The following BCOR variants were observed in gnomAD, a reference collection of about 807,000 sequenced individuals.
BCOR encodes the protein BCL6 corepressor.
A neutral mutation model predicts 86.7 loss-of-function variants in BCOR; 10 were observed. The ratio of observed to expected loss-of-function variants is 0.12; its 90% CI spans 0.07 to 0.20. The LOEUF (loss-of-function observed/expected upper bound fraction) is 0.20, where lower values mean the gene tolerates loss of function less well. Among genes scored for constraint, BCOR ranks in the 10% least tolerant of loss-of-function variants. BCOR has a pLI of 1.00. For missense variants in BCOR, 1,259 were observed against 1,452.1 expected, an observed-to-expected ratio of 0.87 and a Z score of 2.16; for synonymous variants, 611 against 609.0, an observed-to-expected ratio of 1.00 and a Z score of -0.05.
chrX:40,152,397 T>G (rs761040317), intron 1 of BCOR, among the ~76,000 whole-genome samples: 2 of 111,769 alleles, frequency 1.8e-5, no homozygotes, highest in Admixed American at 1.9e-4. Context: ...CAGCGCGCCC[T>G]GGCCCTGGCG....
chrX:40,106,562 C>T (rs1390851545), intron 1 of BCOR, among the ~76,000 whole-genome samples: 1 of 111,088 alleles, frequency 9.0e-6, no homozygotes, highest in Non-Finnish European at 1.9e-5. Context: ...CCCGCCCTCC[C>T]CGCGCTCCCG....
In BCOR at chrX:40,057,416, G is replaced by GCCTGAGAA; in HGVS notation, c.4429-103_4429-96dup. On this transcript the variant is annotated intron_variant, in intron 10 of 14. Transcript: ENST00000378444. ...AGCTTTCAAAGACATACACCCTCAG[G>GCCTGAGAA]CCTGAGAACCTGAGAACCTCTCGGG... is the stretch of plus-strand genomic sequence containing the variant. 8 of 955,688 alleles carry GCCTGAGAA rather than the reference G, an allele frequency of 8.4e-6. No homozygotes were observed. In the South Asian group the frequency reaches 1.0e-4, roughly 12 times the overall value. 78.8% of individuals were successfully genotyped at this position (955,688 alleles called of 1,213,427 possible).
intron 1 of BCOR, among the ~76,000 whole-genome samples, chrX:40,117,041 T>C (rs1272503271): frequency 2.7e-5 from 3 of 112,375 alleles, no homozygotes; most frequent in East Asian, 2.8e-4. Flanking sequence ...GGAGAGAAGA[T>C]CAGTTTCCAA....
In BCOR at chrX:40,064,597, C is replaced by T. The variant is rs760373288; in HGVS notation, c.3241G>A (p.Glu1081Lys). 2.5e-6 allele frequency: 3 copies of T among 1,209,308 alleles called. No homozygotes were observed. Among genetic ancestry groups the T allele is most frequent in the Non-Finnish European group, 3.4e-6 (3 of 894,646 alleles). ...CGGTGCTTGTTTCCAACACTATACT[C>T]GCCTGGGGGAGGGGAGACAAGAGGG... ...IAEQNESERC[E>K]YSVGNKHRDP... The change falls in exon 7 of 15, where the codon GAG (glutamate) becomes AAG (lysine). Residue 1081 changes from glutamate (E) to lysine (K), a missense_variant and splice_region_variant. By Grantham distance (56) the Glu-to-Lys change is moderately conservative. Around this residue, in one of 7 missense-constraint regions of BCOR, gnomAD observed 56 missense variants for 106.6 expected, o/e 0.53. Transcript: ENST00000378444.
intron 1 of BCOR, among the ~76,000 whole-genome samples, chrX:40,079,706 G>A (rs771405885): frequency 2.7e-5 from 3 of 111,375 alleles, no homozygotes; most frequent in East Asian, 5.7e-4. Flanking sequence ...TAGCCACAGC[G>A]CCCCCAAAGG....
upstream of BCOR, among the ~76,000 whole-genome samples, chrX:40,101,081 A>AG (rs1421299729): frequency 1.9e-5 from 2 of 107,736 alleles, no homozygotes; most frequent in Non-Finnish European, 3.8e-5. Context: ...TATAAGGCAG[A>AG]GGGGGGGAGG....
chrX:40,106,060 A>G (rs1487473086), intron 1 of BCOR, among the ~76,000 whole-genome samples: 1 of 111,821 alleles, frequency 8.9e-6, no homozygotes, highest in East Asian at 2.9e-4. Context: ...GTAGGGACGT[A>G]GGGTCGGCTG....
chrX:40,062,286 T>C lies in BCOR; in HGVS notation c.4281A>G (p.Pro1427=). The change falls in exon 10 of 15, where the codon CCA becomes CCG. Residue 1427 remains proline, a synonymous_variant. Transcript: ENST00000378444. Reference sequence around the variant, plus strand: ...ATGGCAGCTGTGTGGACTGGGAGGCTGGTAGCAGTTGCTGCAAGCGGTCGA... The same window carrying C: ...ATGGCAGCTGTGTGGACTGGGAGGCCGGTAGCAGTTGCTGCAAGCGGTCGA... ...KPFDRLQQLL[P]ASQSTQLPCS... 1 of 1,210,614 alleles carries C rather than the reference T, an allele frequency of 8.3e-7. No individual in the cohort carries two copies. Among genetic ancestry groups the C allele is most frequent in the South Asian group, 1.8e-5 (1 of 56,595 alleles).
intron 1 of BCOR, among the ~76,000 whole-genome samples, chrX:40,104,931 A>C (rs1471541366): frequency 7.4e-5 from 8 of 108,235 alleles, no homozygotes; most frequent in African/African-American, 2.7e-4. Flanking sequence ...TCAGGCGGGG[A>C]GAGGGTGCGG....
At position 40,051,940 on chromosome X, in the gene BCOR, AG is replaced by A. The variant is rs1413599469; in HGVS notation, c.*168del. Reference sequence around the variant, plus strand: ...ATAAAAACTGACTTAAAAGTTTAAAAGGAAAAAAACATGTTTCTAAGTCCTT... The same window carrying A: ...ATAAAAACTGACTTAAAAGTTTAAAAGAAAAAAACATGTTTCTAAGTCCTT... On this transcript the variant is annotated 3_prime_UTR_variant, in exon 15 of 15. Coordinates refer to ENST00000378444, the MANE Select transcript of BCOR (RefSeq NM_001123385.2). 1.7e-4 allele frequency: 70 copies of A among 412,755 alleles called. No homozygotes were observed. Among genetic ancestry groups the A allele is most frequent in the Non-Finnish European group, 4.2e-5 (11 of 261,425 alleles). 34.0% of individuals were successfully genotyped at this position (412,755 alleles called of 1,213,427 possible).
chrX:40,152,526 C>T (rs907827515), intron 1 of BCOR, among the ~76,000 whole-genome samples: 16 of 113,211 alleles, frequency 1.4e-4, no homozygotes, highest in Admixed American at 1.4e-3. Context: ...GCAGCACAGG[C>T]ACACTGTAAA....
In BCOR at chrX:40,116,412, G is replaced by T. The variant is rs193166976; in HGVS notation, c.-40-38443C>A. Among the ~76,000 whole-genome samples, 359 of 110,189 alleles carry T rather than the reference G, an allele frequency of 3.3e-3. 1 individual carries two copies. The highest frequency in any genetic ancestry group is 0.011 in the African/African-American group (343 of 30,231). On this transcript the variant is annotated intron_variant, in intron 1 of 14. Transcript: ENST00000342274. The stretch of plus-strand genomic sequence containing the variant: ...CTCGGGAGGCTGAGGCAGCAGAATG[G>T]TGTGAAACCAGGAGGCAGAGCTTGC...
In BCOR at chrX:40,073,883, G is replaced by C. The variant is rs1935626585; in HGVS notation, c.1463C>G (p.Ser488Cys). The change falls in exon 4 of 15, where the codon TCT (serine) becomes TGT (cysteine). Residue 488 changes from serine to cysteine, a missense_variant. Physicochemically the swap from Ser to Cys is moderately radical, Grantham distance 112. Coordinates refer to ENST00000378444, the MANE Select transcript of BCOR (RefSeq NM_001123385.2). The stretch of plus-strand genomic sequence containing the variant: ...GATAGCACAACCATTTCCTGGAGGA[G>C]ATAGTGTTTCTTTCGGAATCTCACT... Reference protein sequence around the residue: ...SGSEIPKETLSPPGNGCAIYR... With the variant: ...SGSEIPKETLCPPGNGCAIYR... 8.2e-7 allele frequency: 1 copy of C among 1,212,296 alleles called. No individual in the cohort carries two copies. Among genetic ancestry groups the C allele is most frequent in the Non-Finnish European group, 1.1e-6 (1 of 895,539 alleles).
At chrX:40,108,292 G>A (rs1055047366) in intron 1 of BCOR, among the ~76,000 whole-genome samples, 1 of 112,954 alleles carries the variant, frequency 8.9e-6, no homozygotes, top group Non-Finnish European at 1.9e-5. Context: ...CCTTCCCGTC[G>A]GCAGCGTGGC....
At chrX:40,131,924 T>A (rs1937607040) in intron 1 of BCOR, among the ~76,000 whole-genome samples, 1 of 111,593 alleles carries the variant, frequency 9.0e-6, no homozygotes, top group East Asian at 2.8e-4. Flanking sequence ...CCAAGAGGTG[T>A]GGTCTCTGTC....
chrX:40,115,820 G>T (rs774810932), intron 1 of BCOR, among the ~76,000 whole-genome samples: 1 of 110,292 alleles, frequency 9.1e-6, no homozygotes, highest in Admixed American at 9.7e-5. Context: ...TCAAGGGAAG[G>T]ACTTCCTCCC....
intron 1 of BCOR, among the ~76,000 whole-genome samples, chrX:40,172,310 G>C (rs1413119409): frequency 8.9e-6 from 1 of 112,454 alleles, no homozygotes; most frequent in Non-Finnish European, 1.9e-5. Context: ...AACACGGAGC[G>C]AACAGGTCCT....
upstream of BCOR, among the ~76,000 whole-genome samples, chrX:40,101,670 C>T (rs376251236): frequency 2.7e-4 from 31 of 112,971 alleles, 1 homozygote; most frequent in East Asian, 7.6e-3. Flanking sequence ...CCTCCAGCTC[C>T]ACCCTGGCCT....
rs1935645410 is a variant in BCOR, at chrX:40,074,115, G to A, written c.1231C>T (p.Arg411Trp). 4.1e-6 allele frequency: 5 copies of A among 1,212,000 alleles called. No individual in the cohort carries two copies. In the East Asian group the frequency reaches 8.9e-5, roughly 21 times the overall value. ...TTTCTGTCTTGAACCGCTGTCTTCC[G>A]GGCATGCCCGGGCACTGGCTGGGCA... The part of the protein sequence containing the change: ...EGAQPVPGHA[R>W]KTAVQDRKDG... Residue 411 changes from arginine (R) to tryptophan (W), a missense_variant, in exon 4 of 15, where the codon CGG becomes TGG. Physicochemically the swap from Arg to Trp is moderately radical, Grantham distance 101. This residue lies in a region of BCOR where 534 missense variants were observed against 594.8 expected (regional missense o/e 0.90). Transcript: ENST00000378444.
Sources: gnomAD v4.1 joint callset for allele counts (sites outside exome capture counted in the v4.1 genomes callset) on GRCh38, gnomAD v4.1.1 for gene constraint, gnomAD v4.1.1 regional missense constraint, MANE v1.5 for transcripts, NCBI Gene and HGNC (gene_info 2026-07-23, HGNC 2026-07-21) for gene names.